Variants in LTBP1 observed in about 807,000 individuals in gnomAD.
The protein encoded by LTBP1 is latent-transforming growth factor beta-binding protein 1.
Under a neutral mutation model 207.6 loss-of-function variants are expected in LTBP1, and 129 were observed. That is an observed-to-expected ratio of 0.62 (90% CI 0.54 to 0.72). The LOEUF is 0.72. Ranked by LOEUF, LTBP1 falls within the 30% of genes least tolerant of loss-of-function variation. LTBP1 has a pLI of 0.00. For missense variants in LTBP1, 2,281 were observed against 2,217.2 expected, an observed-to-expected ratio of 1.03 and a Z score of -0.58; for synonymous variants, 963 against 833.7, an observed-to-expected ratio of 1.16 and a Z score of -2.67.
At chr2:33,037,414 T>A (rs2075978209) in intron 3 of LTBP1, among the ~76,000 whole-genome samples, 1 of 152,230 alleles carries the variant, frequency 6.6e-6, no homozygotes, top group African/African-American at 2.4e-5. Flanking sequence ...TATTCTGTTA[T>A]ACCCACTGTC....
intron 5 of LTBP1, among the ~76,000 whole-genome samples, chr2:33,138,517 CTTG>C (rs1351997564): frequency 6.6e-6 from 1 of 152,004 alleles, no homozygotes; most frequent in Non-Finnish European, 1.5e-5. Context: ...AAACCTATCC[CTTG>C]TTGGGTGGGC....
Position 33,134,682 on chromosome 2 carries a change from C to A in LTBP1, c.1034-111C>A. 1 of 1,598,174 alleles carries A rather than the reference C, an allele frequency of 6.3e-7. No individual in the cohort carries two copies. Among genetic ancestry groups the A allele is most frequent in the South Asian group, 1.1e-5 (1 of 87,334 alleles). ...CGGGTTGTGGGCTCTCTCTTTTCCC[C>A]TCTTGCTCCTTTCTTTTCTTTTTTT... On this transcript the variant is annotated intron_variant, in intron 4 of 33. Transcript: ENST00000404816. This position sits in a 1 kb window ranked among gnomAD's most constrained non-coding sequence, Gnocchi z 4.4.
At chr2:33,180,846 G>A (rs1330831505) in intron 5 of LTBP1, among the ~76,000 whole-genome samples, 1 of 152,130 alleles carries the variant, frequency 6.6e-6, no homozygotes. Flanking sequence ...AGAATGGGGG[G>A]AGAAATAATG....
intron 2 of LTBP1, among the ~76,000 whole-genome samples, chr2:33,009,259 G>A (rs928949580): frequency 6.6e-6 from 1 of 152,152 alleles, no homozygotes; most frequent in Admixed American, 6.5e-5. Context: ...AGCTGGATTG[G>A]ATGTGTGTTA....
intron 30 of LTBP1, 124 bp from the exon 31 acceptor site, chr2:33,365,209 A>G (rs1574029341): frequency 1.3e-6 from 1 of 788,226 alleles, no homozygotes; most frequent in African/African-American, 1.7e-5. Context: ...CTGGATTCAG[A>G]CTTTTACTTG....
At chr2:33,010,475 T>G (rs1687522402) in intron 2 of LTBP1, among the ~76,000 whole-genome samples, 1 of 152,104 alleles carries the variant, frequency 6.6e-6, no homozygotes, top group Admixed American at 6.5e-5. Flanking sequence ...TGGCTAAAGT[T>G]AACAACAATG....
At chr2:33,086,012 G>T (rs1446006510) in intron 3 of LTBP1, among the ~76,000 whole-genome samples, 1 of 152,186 alleles carries the variant, frequency 6.6e-6, no homozygotes, top group African/African-American at 2.4e-5. Flanking sequence ...CCAACAGGTG[G>T]ACTGAACATC....
At chr2:33,183,380 A>T (rs1021597140) in intron 5 of LTBP1, among the ~76,000 whole-genome samples, 3 of 152,236 alleles carry the variant, frequency 2.0e-5, no homozygotes, top group Non-Finnish European at 4.4e-5. Flanking sequence ...CCTGAACTGA[A>T]TACCAGATGT....
intron 32 of LTBP1, among the ~76,000 whole-genome samples, chr2:33,393,951 C>A (rs1409244971): frequency 6.6e-6 from 1 of 150,854 alleles, no homozygotes; most frequent in Non-Finnish European, 1.5e-5. Context: ...TCTCCAGCAC[C>A]TGTTGTTTCC....
intron 7 of LTBP1, among the ~76,000 whole-genome samples, chr2:33,205,427 G>A (rs899451397): frequency 1.3e-5 from 2 of 152,182 alleles, no homozygotes; most frequent in African/African-American, 2.4e-5. Context: ...TATTAGATTA[G>A]TCTAGGTTGT....
At chr2:32,976,975 C>G (rs2148664063) in intron 2 of LTBP1, among the ~76,000 whole-genome samples, 1 of 152,336 alleles carries the variant, frequency 6.6e-6, no homozygotes, top group East Asian at 1.9e-4. Flanking sequence ...AGAAGTGGGA[C>G]CATTCTGCTG....
At chr2:33,082,485 G>C (rs2078494104) in intron 3 of LTBP1, among the ~76,000 whole-genome samples, 1 of 125,812 alleles carries the variant, frequency 7.9e-6, no homozygotes, top group South Asian at 2.5e-4. Context: ...GTCTCGCTCT[G>C]TTGCCCAGGC....
intron 3 of LTBP1, among the ~76,000 whole-genome samples, chr2:33,086,331 A>G (rs1025682787): frequency 1.3e-5 from 2 of 152,212 alleles, no homozygotes; most frequent in South Asian, 2.1e-4. Flanking sequence ...ATGGGAATAC[A>G]TCTCAGGAGA....
chr2:33,306,970 C>T (rs1303032327), intron 22 of LTBP1, among the ~76,000 whole-genome samples: 2 of 152,034 alleles, frequency 1.3e-5, no homozygotes, highest in Non-Finnish European at 2.9e-5. Context: ...CGCCTGTAGT[C>T]CCAGCTACTT....
chr2:33,395,503 C>T (rs981786296), intron 32 of LTBP1, among the ~76,000 whole-genome samples: 2 of 152,088 alleles, frequency 1.3e-5, no homozygotes, highest in African/African-American at 4.8e-5. Context: ...GTATATTTTT[C>T]GGTCATCTCT....
At chr2:33,092,193 ACGCG>A (rs113961167) in intron 3 of LTBP1, among the ~76,000 whole-genome samples, 5 of 138,918 alleles carry the variant, frequency 3.6e-5, no homozygotes, top group Admixed American at 7.2e-5. Context: ...ACACACACAC[ACGCG>A]CACACACACA....
chr2:33,186,459 A>T (rs1194589730), intron 5 of LTBP1, among the ~76,000 whole-genome samples: 4 of 152,166 alleles, frequency 2.6e-5, no homozygotes, highest in African/African-American at 9.7e-5. Context: ...CAGGCCATAC[A>T]TACCCCTTGT....
At chr2:33,315,408 A>G in intron 24 of LTBP1, 139 bp downstream of exon 24, 3 of 1,068,166 alleles carry the variant, frequency 2.8e-6, no homozygotes, top group East Asian at 2.5e-5. Context: ...AAAGTAAACC[A>G]TATCTGAAAG....
chr2:33,030,804 G>A (rs1480197514), intron 3 of LTBP1, among the ~76,000 whole-genome samples: 1 of 152,152 alleles, frequency 6.6e-6, no homozygotes, highest in Non-Finnish European at 1.5e-5. Context: ...ATTGCTGTCT[G>A]TGAAGTCTTA....
Sources: gnomAD v4.1 joint callset for allele counts (sites outside exome capture counted in the v4.1 genomes callset) on GRCh38, gnomAD v4.1.1 for gene constraint, Gnocchi (gnomAD v3.1) non-coding constraint, MANE v1.5 for transcripts, NCBI Gene and HGNC (gene_info 2026-07-23, HGNC 2026-07-21) for gene names.